Variants in SLX4IP observed in about 807,000 individuals in gnomAD.
The protein encoded by SLX4IP is protein SLX4IP.
A neutral mutation model predicts 32.9 loss-of-function variants in SLX4IP; 34 were observed. The observed-to-expected ratio is 1.03, with a 90% CI of 0.79 to 1.38. SLX4IP has a LOEUF of 1.38. SLX4IP is among the 40% of genes most tolerant of loss of function. The probability of loss-of-function intolerance (pLI) is 0.00; values close to 1 mark genes in which losing one functional copy is unlikely to be tolerated. For missense variants in SLX4IP, 444 were observed against 479.0 expected (o/e 0.93, Z 0.68); for synonymous variants, 172 against 171.7 (o/e 1.00, Z -0.01).
At chr20:10,523,341 G>A (rs1422396587) in intron 2 of SLX4IP, among the ~76,000 whole-genome samples, 1 of 152,144 alleles carries the variant, frequency 6.6e-6, no homozygotes, top group African/African-American at 2.4e-5. Flanking sequence ...CAGGGGGGAG[G>A]AGGAGTTGAA....
At chr20:10,570,071 G>A (rs1485210206) in intron 4 of SLX4IP, among the ~76,000 whole-genome samples, 1 of 152,164 alleles carries the variant, frequency 6.6e-6, no homozygotes, top group Non-Finnish European at 1.5e-5. Context: ...TAACTGGTAA[G>A]CCAGAGACAG....
intron 4 of SLX4IP, among the ~76,000 whole-genome samples, chr20:10,586,658 G>A (rs1273011112): frequency 6.6e-6 from 1 of 151,544 alleles, no homozygotes; most frequent in African/African-American, 2.4e-5. Context: ...AGAAATATTA[G>A]GAATAGAAGT....
chr20:10,548,255 C>T (rs1270182983), intron 2 of SLX4IP, among the ~76,000 whole-genome samples: 1 of 150,568 alleles, frequency 6.6e-6, no homozygotes, highest in Non-Finnish European at 1.5e-5. Context: ...TTTTTTTTTT[C>T]TGAAACGGAG....
At chr20:10,478,743 A>ATGCGT (rs1411785992) in intron 2 of SLX4IP, among the ~76,000 whole-genome samples, 1 of 152,112 alleles carries the variant, frequency 6.6e-6, no homozygotes, top group Non-Finnish European at 1.5e-5. Context: ...AGGAAAACAG[A>ATGCGT]TGCGTTGATG....
chr20:10,580,921 C>T (rs1477424714), intron 4 of SLX4IP, among the ~76,000 whole-genome samples: 1 of 152,062 alleles, frequency 6.6e-6, no homozygotes, highest in African/African-American at 2.4e-5. Flanking sequence ...AATAGCTCAC[C>T]ATGAATGTGA....
intron 6 of SLX4IP, among the ~76,000 whole-genome samples, chr20:10,619,217 CTTTTT>C (rs59741153): frequency 7.9e-6 from 1 of 126,652 alleles, no homozygotes; most frequent in East Asian, 2.3e-4. Flanking sequence ...CTTTTTTTTT[CTTTTT>C]TTTTTTTTTT....
chr20:10,524,948 A>G (rs620123), intron 2 of SLX4IP, among the ~76,000 whole-genome samples: 87,187 of 151,984 alleles, frequency 0.57, 25,625 homozygotes, highest in South Asian at 0.72. Context: ...AGGTTACGTA[A>G]CAGCCACTTA....
chr20:10,539,378 T>C (rs1318267814), intron 2 of SLX4IP, among the ~76,000 whole-genome samples: 2 of 152,186 alleles, frequency 1.3e-5, no homozygotes, highest in Admixed American at 1.3e-4. Flanking sequence ...GATTTATCAG[T>C]GTTCACAAAG....
At chr20:10,558,295 T>C (rs945461573) in intron 3 of SLX4IP, among the ~76,000 whole-genome samples, 21 of 140,606 alleles carry the variant, frequency 1.5e-4, no homozygotes, top group African/African-American at 5.6e-4. Context: ...AGAGTTGTGA[T>C]CATGCCACTG....
chr20:10,529,742 T>A (rs1413284810), intron 2 of SLX4IP, among the ~76,000 whole-genome samples: 1 of 152,042 alleles, frequency 6.6e-6, no homozygotes, highest in Non-Finnish European at 1.5e-5. Context: ...CCATAATTGC[T>A]ATCATAGAAA....
chr20:10,471,124 T>C (rs1022447751), intron 2 of SLX4IP, among the ~76,000 whole-genome samples: 2 of 152,250 alleles, frequency 1.3e-5, no homozygotes, highest in Non-Finnish European at 2.9e-5. Context: ...TCTTAGGCTG[T>C]CAGTAATTAT....
chr20:10,457,654 T>C (rs995047893), intron 1 of SLX4IP, among the ~76,000 whole-genome samples: 2 of 152,138 alleles, frequency 1.3e-5, no homozygotes, highest in African/African-American at 4.8e-5. Context: ...GGGACATTGA[T>C]GTGTGGTTTT....
At chr20:10,497,537 T>G (rs1383119017) in intron 2 of SLX4IP, among the ~76,000 whole-genome samples, 4 of 152,140 alleles carry the variant, frequency 2.6e-5, no homozygotes, top group Non-Finnish European at 4.4e-5. Context: ...TTTGCTTTCT[T>G]TTTTCGGAAA....
At chr20:10,559,341 A>G (rs674407) in intron 3 of SLX4IP, among the ~76,000 whole-genome samples, 86,590 of 152,074 alleles carry the variant, frequency 0.57, 25,316 homozygotes, top group South Asian at 0.73. Context: ...TTGTTTGAGG[A>G]GTACAAGTGT....
intron 2 of SLX4IP, among the ~76,000 whole-genome samples, chr20:10,533,168 A>G (rs1415256100): frequency 6.6e-6 from 1 of 152,156 alleles, no homozygotes; most frequent in Non-Finnish European, 1.5e-5. Context: ...TATTTGTGCA[A>G]ATAAAACAGA....
chr20:10,478,704 T>A (rs1014947927), intron 2 of SLX4IP, among the ~76,000 whole-genome samples: 1 of 152,226 alleles, frequency 6.6e-6, no homozygotes, highest in Non-Finnish European at 1.5e-5. Context: ...TGTTCTTTAT[T>A]GTCCTTGCCC....
intron 4 of SLX4IP, among the ~76,000 whole-genome samples, chr20:10,591,004 TA>T (rs1345633083): frequency 1.3e-5 from 2 of 152,196 alleles, no homozygotes; most frequent in African/African-American, 4.8e-5. Context: ...AGATTTCACA[TA>T]AAAACTTGGA....
intron 2 of SLX4IP, among the ~76,000 whole-genome samples, chr20:10,555,699 G>A (rs1478017222): frequency 1.3e-5 from 2 of 152,108 alleles, no homozygotes; most frequent in African/African-American, 4.8e-5. Flanking sequence ...TTGTTAACTA[G>A]CATTCAGTAT....
At chr20:10,550,414 C>A (rs905195073) in intron 2 of SLX4IP, among the ~76,000 whole-genome samples, 1 of 152,118 alleles carries the variant, frequency 6.6e-6, no homozygotes, top group African/African-American at 2.4e-5. Context: ...TTGGGCCTCA[C>A]CCTTGTCCTT....
Sources: allele counts gnomAD v4.1 joint callset (sites outside exome capture counted in the v4.1 genomes callset), GRCh38; gene constraint gnomAD v4.1.1; transcripts MANE v1.5; gene names NCBI Gene and HGNC (gene_info 2026-07-23, HGNC 2026-07-21).